The following BBIP1 variants were observed in gnomAD, a reference collection of about 807,000 sequenced individuals.
BBIP1 encodes BBSome interacting protein 1.
Under a neutral mutation model 8.9 loss-of-function variants are expected in BBIP1, and 6 were observed. The ratio of observed to expected loss-of-function variants is 0.67; its 90% CI spans 0.37 to 1.33. BBIP1 has a LOEUF of 1.33. Ranked by LOEUF, BBIP1 falls within the 40% of genes most tolerant of loss-of-function variation. The probability of loss-of-function intolerance (pLI) is 0.02; values close to 1 mark genes in which losing one functional copy is unlikely to be tolerated. For missense variants in BBIP1, 111 were observed against 109.2 expected, an observed-to-expected ratio of 1.02 and a Z score of -0.07; for synonymous variants, 32 against 33.4, an observed-to-expected ratio of 0.96 and a Z score of 0.14.
intron 1 of BBIP1, among the ~76,000 whole-genome samples, chr10:110,918,685 C>T (rs920323798): frequency 6.6e-6 from 1 of 152,210 alleles, no homozygotes; most frequent in Non-Finnish European, 1.5e-5. Context: ...GGCCTCACCC[C>T]ACAGGGAGCC....
intron 2 of BBIP1, chr10:110,904,203 A>G (rs1331560811): frequency 6.6e-6 from 1 of 152,260 alleles, no homozygotes; most frequent in Non-Finnish European, 1.5e-5. Context: ...GCTGAAATTC[A>G]TGTGTATTCT....
intron 2 of BBIP1, chr10:110,903,515 G>T (rs1289606016): frequency 2.0e-5 from 3 of 152,298 alleles, no homozygotes; most frequent in African/African-American, 7.2e-5. Flanking sequence ...TGGCAAGAAA[G>T]AAACAGGAAG....
intron 2 of BBIP1, chr10:110,903,742 A>G (rs1846063174): frequency 6.6e-6 from 1 of 152,266 alleles, no homozygotes; most frequent in African/African-American, 2.4e-5. Flanking sequence ...AGCCTCTTAC[A>G]CAAACCTAGA....
rs558527459 is a variant in BBIP1, at chr10:110,899,948, T to A, written c.*412A>T. On this transcript the variant is annotated 3_prime_UTR_variant, in exon 4 of 4. Coordinates refer to ENST00000448814, the MANE Select transcript of BBIP1 (RefSeq NM_001195305.3). ...ATGTAAAAGCCCAACAAACACTTTATGCAAGATTGGAATGTATCTTCAAAT... is the reference window on the plus strand; with the variant it reads ...ATGTAAAAGCCCAACAAACACTTTAAGCAAGATTGGAATGTATCTTCAAAT... 6.4e-6 allele frequency: 1 copy of A among 157,402 alleles called. No homozygotes were observed. Among genetic ancestry groups the A allele is most frequent in the East Asian group, 1.9e-4 (1 of 5,374 alleles). The allele number at this position is 157,402 out of a possible 1,614,324, so 9.8% of individuals were successfully genotyped here.
intron 2 of BBIP1, chr10:110,912,163 T>C (rs572118189): frequency 1.1e-4 from 16 of 151,674 alleles, no homozygotes; most frequent in South Asian, 4.1e-4. Context: ...CTTTTCTTTT[T>C]TTTTTTTTTT....
chr10:110,903,618 G>A (rs1489469982), intron 2 of BBIP1: 3 of 152,290 alleles, frequency 2.0e-5, no homozygotes, highest in East Asian at 3.8e-4. Context: ...GAGTAGGAAG[G>A]AGTACAGTCA....
At chr10:110,903,369 T>C (rs1242336227) in intron 2 of BBIP1, 4 of 152,288 alleles carry the variant, frequency 2.6e-5, no homozygotes, top group Admixed American at 2.6e-4. Flanking sequence ...CCATTGTTAC[T>C]GTAAAGGGTG....
At chr10:110,916,436 G>A (rs149522185) in intron 2 of BBIP1, among the ~76,000 whole-genome samples, 1 of 152,104 alleles carries the variant, frequency 6.6e-6, no homozygotes, top group South Asian at 2.1e-4. Flanking sequence ...GGCAGAGAAC[G>A]TATCTAGTGT....
At position 110,899,858 on chromosome 10, in the gene BBIP1, A is replaced by AAGAT. The variant is rs1047092035; in HGVS notation, c.*498_*501dup. On this transcript the variant is annotated 3_prime_UTR_variant, in exon 4 of 4. Coordinates refer to ENST00000448814, the MANE Select transcript of BBIP1 (RefSeq NM_001195305.3). ...CATTACTGGTGGGATCTGGTCACAC[A>AAGAT]AGATAGCATTAAACGTGACATGGCA... 6.6e-6 allele frequency: 1 copy of AAGAT among 152,500 alleles called. No homozygotes were observed. The highest frequency in any genetic ancestry group is 2.4e-5 in the African/African-American group (1 of 41,454). The allele number at this position is 152,500 out of a possible 1,614,324, so 9.4% of individuals were successfully genotyped here. A position where few individuals can be genotyped will look rare whatever the true frequency, so the allele number is the denominator to read the frequency against.
chr10:110,912,089 A>G (rs1846291556), intron 2 of BBIP1: 2 of 152,232 alleles, frequency 1.3e-5, no homozygotes, highest in African/African-American at 2.4e-5. Context: ...CTTCCTCTAT[A>G]GTTTGGGAAC....
intron 2 of BBIP1, chr10:110,903,621 TAC>T (rs925947328): frequency 6.6e-6 from 1 of 152,188 alleles, no homozygotes; most frequent in African/African-American, 2.4e-5. Flanking sequence ...TAGGAAGGAG[TAC>T]AGTCATGTGT....
At chr10:110,905,342 C>T (rs1486323557) in intron 2 of BBIP1, among the ~76,000 whole-genome samples, 1 of 151,834 alleles carries the variant, frequency 6.6e-6, no homozygotes, top group Non-Finnish European at 1.5e-5. Flanking sequence ...GCGGACGGAT[C>T]ACAAAGTCAG....
intron 2 of BBIP1, among the ~76,000 whole-genome samples, chr10:110,905,899 T>C (rs973692030): frequency 6.6e-6 from 1 of 151,238 alleles, no homozygotes; most frequent in Non-Finnish European, 1.5e-5. Flanking sequence ...CATCATCCAT[T>C]AATAAAAAGA....
chr10:110,915,916 C>G (rs138680976), intron 2 of BBIP1, among the ~76,000 whole-genome samples: 114 of 152,282 alleles, frequency 7.5e-4, no homozygotes, highest in African/African-American at 2.6e-3. Flanking sequence ...GTTGGCCAGG[C>G]TGATCTCAAA....
At chr10:110,914,694 A>G (rs571049701) in intron 2 of BBIP1, among the ~76,000 whole-genome samples, 2 of 152,284 alleles carry the variant, frequency 1.3e-5, no homozygotes, top group South Asian at 2.1e-4. Flanking sequence ...AACGTGTTCA[A>G]TTTAGCTAAT....
intron 2 of BBIP1, chr10:110,906,808 C>CGAA (rs1846154762): frequency 6.6e-6 from 1 of 152,334 alleles, no homozygotes; most frequent in Non-Finnish European, 1.5e-5. Flanking sequence ...GATCCGCCCC[C>CGAA]GTTGGCCTCC....
At chr10:110,916,294 C>T (rs1453948081) in intron 2 of BBIP1, among the ~76,000 whole-genome samples, 1 of 152,148 alleles carries the variant, frequency 6.6e-6, no homozygotes, top group African/African-American at 2.4e-5. Context: ...CCCTTATGTG[C>T]AGTTTTTTCC....
At chr10:110,908,623 A>G (rs6585023) in intron 2 of BBIP1, among the ~76,000 whole-genome samples, 131,198 of 152,128 alleles carry the variant, frequency 0.86, 56,970 homozygotes, top group Admixed American at 0.92. Flanking sequence ...TAAGTTCTAT[A>G]CTTAGAAGTA....
chr10:110,900,871 C>T (rs891902862), intron 3 of BBIP1: 4 of 230,002 alleles, frequency 1.7e-5, no homozygotes, highest in Middle Eastern at 1.5e-3. Flanking sequence ...TGATATTTAA[C>T]GTAAATATTC....
Sources: allele counts gnomAD v4.1 joint callset (sites outside exome capture counted in the v4.1 genomes callset), GRCh38; gene constraint gnomAD v4.1.1; transcripts MANE v1.5; gene names NCBI Gene and HGNC (gene_info 2026-07-23, HGNC 2026-07-21).